SEC14L5: variants seen among roughly 807,000 people sequenced by gnomAD.
The protein encoded by SEC14L5 is SEC14 like lipid binding 5.
A neutral mutation model predicts 84.6 loss-of-function variants in SEC14L5; 96 were observed. The observed-to-expected ratio is 1.13, with a 90% CI of 0.96 to 1.34. The LOEUF (loss-of-function observed/expected upper bound fraction) is 1.34, where lower values mean the gene tolerates loss of function less well. Ranked by LOEUF, SEC14L5 falls within the 40% of genes most tolerant of loss-of-function variation. The pLI is 0.00. For synonymous variants in SEC14L5, 546 were observed against 383.4 expected (o/e 1.42, Z -4.95); for missense variants, 1,224 against 942.5 (o/e 1.30, Z -3.91).
intron 2 of SEC14L5, among the ~76,000 whole-genome samples, chr16:4,983,633 T>A (rs1308982873): frequency 6.6e-6 from 1 of 151,526 alleles, no homozygotes; most frequent in African/African-American, 2.4e-5. Flanking sequence ...TCCCAGCACT[T>A]TGGGAGGCCG....
At position 4,996,899 on chromosome 16, in the gene SEC14L5, C is replaced by T. The variant is rs1416067788; in HGVS notation, c.825C>T (p.Asp275=). ...TCCTTCGGTTCCTGCGGGCTCATGA[C>T]TTCCACCTGGACAAGGCCCGGGAAA... ...EHILRFLRAH[D]FHLDKAREML... is the part of the protein sequence containing the mutation. Residue 275 remains aspartate, a synonymous_variant, in exon 8 of 16, where the codon GAC becomes GAT. Coordinates refer to ENST00000251170, the MANE Select transcript of SEC14L5 (RefSeq NM_014692.2). 3 of 1,613,794 alleles carry T rather than the reference C, an allele frequency of 1.9e-6. No homozygotes were observed. Among genetic ancestry groups the T allele is most frequent in the South Asian group, 1.1e-5 (1 of 91,058 alleles).
chr16:4,965,027 A>G (rs1204545445), intron 2 of SEC14L5, among the ~76,000 whole-genome samples: 2 of 152,154 alleles, frequency 1.3e-5, no homozygotes, highest in African/African-American at 4.8e-5. Flanking sequence ...CACTGTGCCC[A>G]GCCACTATAA....
At chr16:5,001,625 G>A (rs1955679302) in intron 10 of SEC14L5, among the ~76,000 whole-genome samples, 1 of 152,068 alleles carries the variant, frequency 6.6e-6, no homozygotes, top group Non-Finnish European at 1.5e-5. Context: ...GGCACATCCA[G>A]GAACCCAGTG....
chr16:5,003,624 G>GGGGCCC, intron 11 of SEC14L5, 51 bp downstream of exon 11: 3 of 305,306 alleles, frequency 9.8e-6, no homozygotes, highest in Non-Finnish European at 1.3e-5. Context: ...GGTGGGATGG[G>GGGGCCC]AGGGGTTCCG....
intron 6 of SEC14L5, among the ~76,000 whole-genome samples, chr16:4,995,358 C>T (rs546758139): frequency 4.6e-5 from 7 of 152,266 alleles, no homozygotes; most frequent in African/African-American, 1.2e-4. Flanking sequence ...CGACTACAAC[C>T]GCCCAGTTGT....
At chr16:4,978,808 A>C (rs571516225) in intron 2 of SEC14L5, among the ~76,000 whole-genome samples, 5 of 152,094 alleles carry the variant, frequency 3.3e-5, no homozygotes, top group African/African-American at 1.2e-4. Flanking sequence ...TCACCGCGTT[A>C]GCCAGGATGG....
In SEC14L5 at chr16:5,015,454, A is replaced by G. The variant is rs1319657690; in HGVS notation, c.*484A>G. 1.3e-5 allele frequency: 2 copies of G among 159,568 alleles called. No individual in the cohort carries two copies. Among genetic ancestry groups the G allele is most frequent in the East Asian group, 3.6e-4 (2 of 5,528 alleles). The allele number at this position is 159,568 out of a possible 1,614,324, so 9.9% of individuals were successfully genotyped here. A position where few individuals can be genotyped will look rare whatever the true frequency, so the allele number is the denominator to read the frequency against. On this transcript the variant is annotated 3_prime_UTR_variant, in exon 16 of 16. Coordinates refer to ENST00000251170, the MANE Select transcript of SEC14L5 (RefSeq NM_014692.2). ...GGAAGGGGGAGCGATTGCCAGGTCA[A>G]TTCCTGAACCAATCACAGTTGCCAG...
At chr16:4,972,972 T>C (rs973802027) in intron 2 of SEC14L5, among the ~76,000 whole-genome samples, 2 of 152,230 alleles carry the variant, frequency 1.3e-5, no homozygotes, top group Non-Finnish European at 2.9e-5. Context: ...AAATGTCTAT[T>C]GAGTGTTGAC....
chr16:4,959,148 C>T (rs533531711), intron 1 of SEC14L5, 125 bp from the exon 2 acceptor site: 61 of 617,120 alleles, frequency 9.9e-5, no homozygotes, highest in Non-Finnish European at 1.5e-4. Context: ...GGAATATCAG[C>T]CTTCTCAATT....
chr16:5,016,126 A>G lies in SEC14L5; in HGVS notation c.*1156A>G, dbSNP rs1242412740. 6.6e-6 allele frequency: 1 copy of G among 152,160 alleles called. No individual in the cohort carries two copies. Among genetic ancestry groups the G allele is most frequent in the Admixed American group, 6.5e-5 (1 of 15,276 alleles). 9.4% of individuals were successfully genotyped at this position (152,160 alleles called of 1,614,324 possible). On this transcript the variant is annotated 3_prime_UTR_variant, in exon 16 of 16. Transcript: ENST00000251170. ...GTAAGGCTAGATCCAGGGTCTCAAC[A>G]TGGAGTCTCGATTCCCCCCGCGAGT...
chr16:5,011,759 G>T (rs1228642695), intron 15 of SEC14L5, among the ~76,000 whole-genome samples: 1 of 152,126 alleles, frequency 6.6e-6, no homozygotes, highest in Admixed American at 6.5e-5. Context: ...TGAGCCTCAG[G>T]TGCTTCATCC....
chr16:4,988,057 G>T, intron 3 of SEC14L5, 92 bp from the exon 4 acceptor site: 4 of 1,387,890 alleles, frequency 2.9e-6, no homozygotes, highest in Non-Finnish European at 4.0e-6. Flanking sequence ...CAGGGCAGGG[G>T]GTGACTGGGG....
At chr16:4,971,077 C>A (rs367785124) in intron 2 of SEC14L5, among the ~76,000 whole-genome samples, 1 of 149,282 alleles carries the variant, frequency 6.7e-6, no homozygotes, top group Non-Finnish European at 1.5e-5. Flanking sequence ...TGCACTCCAG[C>A]CTGGTGACAG....
chr16:4,991,961 C>A lies in SEC14L5; in HGVS notation c.598C>A (p.Pro200Thr), dbSNP rs770570064. 19 of 1,594,908 alleles carry A rather than the reference C, an allele frequency of 1.2e-5. No homozygotes were observed. The highest frequency in any genetic ancestry group is 5.4e-5 in the African/African-American group (4 of 74,698). ...DARNQAGPRD[P>T]SSLEAHGPRS... ...CCGCAACCAGGCTGGACCGAGGGAC[C>A]CCAGCTCCCTGGAGGCCCACGGGCC... The change falls in exon 6 of 16, where the codon CCC becomes ACC. Residue 200 changes from proline (P) to threonine (T), a missense_variant. Transcript: ENST00000251170.
intron 2 of SEC14L5, among the ~76,000 whole-genome samples, chr16:4,963,109 T>G (rs1453479411): frequency 1.3e-5 from 2 of 152,244 alleles, no homozygotes; most frequent in African/African-American, 4.8e-5. Flanking sequence ...AAAATGCTCC[T>G]AGCTTCTTCA....
chr16:4,969,257 A>T (rs1253069549), intron 2 of SEC14L5, among the ~76,000 whole-genome samples: 2 of 152,258 alleles, frequency 1.3e-5, no homozygotes, highest in Non-Finnish European at 2.9e-5. Flanking sequence ...TTATTTATGC[A>T]TTCATGCATG....
intron 15 of SEC14L5, among the ~76,000 whole-genome samples, chr16:5,013,934 C>A (rs1451201135): frequency 1.3e-5 from 2 of 152,168 alleles, no homozygotes; most frequent in Non-Finnish European, 2.9e-5. Flanking sequence ...CTCAAGCGAT[C>A]CCCCTGCCTC....
chr16:4,983,615 G>A (rs1213511509), intron 2 of SEC14L5, among the ~76,000 whole-genome samples: 2 of 151,242 alleles, frequency 1.3e-5, no homozygotes, highest in Non-Finnish European at 2.9e-5. Flanking sequence ...GGTGGCTCAC[G>A]CTTGTAATCC....
At chr16:5,007,909 T>TG (rs1218655261) in intron 13 of SEC14L5, among the ~76,000 whole-genome samples, 1 of 136,620 alleles carries the variant, frequency 7.3e-6, no homozygotes, top group Admixed American at 7.3e-5. Flanking sequence ...CCTGGCCTCT[T>TG]TTTTTTTTTT....
Sources: gnomAD v4.1 joint callset for allele counts (sites outside exome capture counted in the v4.1 genomes callset) on GRCh38, gnomAD v4.1.1 for gene constraint, MANE v1.5 for transcripts, NCBI Gene and HGNC (gene_info 2026-07-23, HGNC 2026-07-21) for gene names.